CCDC158: variants seen among roughly 807,000 people sequenced by gnomAD.
CCDC158 encodes coiled-coil domain containing 158, also known as coiled-coil domain-containing protein 158.
CCDC158 carries 116 observed loss-of-function variants against 138.6 expected under a neutral mutation model. That is an observed-to-expected ratio of 0.84 (90% CI 0.72 to 0.98). The LOEUF (loss-of-function observed/expected upper bound fraction) is 0.98, where lower values mean the gene tolerates loss of function less well. Ranked by LOEUF, CCDC158 falls within the 50% of genes least tolerant of loss-of-function variation. The pLI, the probability that CCDC158 is intolerant of heterozygous loss-of-function variation, is 0.00. For synonymous variants in CCDC158, 436 were observed against 442.4 expected (o/e 0.99, Z 0.18); for missense variants, 1,265 against 1,306.1 (o/e 0.97, Z 0.48).
chr4:76,365,867 C>T (rs28527328), intron 12 of CCDC158, among the ~76,000 whole-genome samples: 3,789 of 152,252 alleles, frequency 0.025, 152 homozygotes, highest in African/African-American at 0.087. Context: ...CAGGCGATTC[C>T]GGTTCTCACT....
At chr4:76,362,614 C>A (rs1724258509) in intron 12 of CCDC158, among the ~76,000 whole-genome samples, 1 of 152,168 alleles carries the variant, frequency 6.6e-6, no homozygotes, top group African/African-American at 2.4e-5. Context: ...CCTATTCTAT[C>A]TCCATTCACT....
intron 2 of CCDC158, among the ~76,000 whole-genome samples, chr4:76,404,949 G>C (rs1268171529): frequency 6.6e-6 from 1 of 151,954 alleles, no homozygotes; most frequent in East Asian, 1.9e-4. Context: ...AATACAACTG[G>C]GTTTCCTAAA....
chr4:76,342,095 G>A (rs1383007942), intron 18 of CCDC158, among the ~76,000 whole-genome samples: 1 of 152,030 alleles, frequency 6.6e-6, no homozygotes, highest in African/African-American at 2.4e-5. Flanking sequence ...TTGAGAGAGA[G>A]AGTCCTACTC....
rs191895539 is a variant in CCDC158, at chr4:76,322,696, G to A, written c.3277+606C>T. On this transcript the variant is annotated intron_variant, in intron 24 of 24. Transcript: ENST00000682701. The stretch of plus-strand genomic sequence containing the variant: ...AAGGCTCCTGGATTCATGAAGGCGG[G>A]TTATAAAAGCATGAATCATGAGGGC... Among the ~76,000 whole-genome samples, 476 of 152,276 alleles carry A rather than the reference G, an allele frequency of 3.1e-3. 5 individuals are homozygous for A. Among genetic ancestry groups the A allele is most frequent in the African/African-American group, 0.011 (460 of 41,556 alleles).
chr4:76,314,862 G>C (rs1719221102), intron 24 of CCDC158, among the ~76,000 whole-genome samples: 1 of 152,092 alleles, frequency 6.6e-6, no homozygotes. Flanking sequence ...ATTTCAACTG[G>C]GCACAAACTC....
chr4:76,350,957 ATG>A, intron 18 of CCDC158, 37 bp downstream of exon 18: 3 of 1,588,248 alleles, frequency 1.9e-6, no homozygotes, highest in Non-Finnish European at 2.6e-6. Context: ...ACTTACGCAT[ATG>A]TCATTTGCGT....
intron 9 of CCDC158, chr4:76,375,294 C>T (rs1725610640): frequency 2.7e-6 from 1 of 375,256 alleles, no homozygotes; most frequent in Non-Finnish European, 4.7e-6. Context: ...GGATTTCATT[C>T]TAATCTCACA....
Position 76,384,186 on chromosome 4 carries a change from T to G in CCDC158, c.628A>C (p.Met210Leu), listed in dbSNP as rs779701261. 1 of 1,614,202 alleles carries G rather than the reference T, an allele frequency of 6.2e-7. No individual in the cohort carries two copies. Among genetic ancestry groups the G allele is most frequent in the Admixed American group, 1.7e-5 (1 of 60,028 alleles). ...AAGCTGCGGAAGTGCAGAGTAGACA[T>G]GCTGTCATGTTCACATATTTTTTTG... ...SGKKICEHDS[M>L]STLHFRSLGS... is the part of the protein sequence containing the mutation. Residue 210 changes from methionine (M) to leucine (L), a missense_variant, in exon 6 of 25, where the codon ATG (methionine) becomes CTG (leucine). Physicochemically the swap from Met to Leu is conservative, Grantham distance 15. Transcript: ENST00000682701.
chr4:76,337,308 T>C (rs1211109919), intron 18 of CCDC158, among the ~76,000 whole-genome samples: 1 of 152,220 alleles, frequency 6.6e-6, no homozygotes, highest in Non-Finnish European at 1.5e-5. Flanking sequence ...TAGTCAAAAT[T>C]ATCAATCTTT....
rs759142523 is a variant in CCDC158 at position 76,326,006 on chromosome 4, G to C, written c.3020C>G (p.Ser1007Cys). The C allele has an allele frequency of 6.2e-7, 1 of 1,610,816 alleles. No individual in the cohort carries two copies. Among genetic ancestry groups the C allele is most frequent in the Admixed American group, 1.7e-5 (1 of 59,440 alleles). ...TGAACGAGAAGCTGAGTTTTTCACA[G>C]ATGGACTTGCTAAAAGTTTGCAAGA... Reference protein sequence around the residue: ...CFTFTSAASPSVKNSASRSFN... With the variant: ...CFTFTSAASPCVKNSASRSFN... Residue 1007 changes from serine (S) to cysteine (C), a missense_variant, in exon 23 of 25, where the codon TCT (serine) becomes TGT (cysteine). Ser to Cys is a moderately radical substitution (Grantham distance 112). Coordinates refer to ENST00000682701, the MANE Select transcript of CCDC158 (RefSeq NM_001394954.1).
chr4:76,384,300 T>G lies in CCDC158; in HGVS notation c.514A>C (p.Ile172Leu). The change falls in exon 6 of 25, where the codon ATA (isoleucine) becomes CTA (leucine). Residue 172 changes from isoleucine (I) to leucine (L), a missense_variant. Transcript: ENST00000682701. ...EDMLKDSNTQ[I>L]EQLRKMMLSH... ...AGCATCATTTTTCGTAGTTGCTCTA[T>G]CTGTGTGTTGCTGTCTTTCAGCATG... 6.2e-7 allele frequency: 1 copy of G among 1,614,148 alleles called. No individual in the cohort carries two copies. The highest frequency in any genetic ancestry group is 8.5e-7 in the Non-Finnish European group (1 of 1,180,010).
At chr4:76,409,683 T>G (rs752398085) in intron 2 of CCDC158, among the ~76,000 whole-genome samples, 29 of 151,776 alleles carry the variant, frequency 1.9e-4, no homozygotes, top group Non-Finnish European at 3.5e-4. Flanking sequence ...TACAAAAAAT[T>G]AGCCAGGTGT....
At chr4:76,335,751 T>A (rs1721423107) in intron 18 of CCDC158, among the ~76,000 whole-genome samples, 1 of 152,144 alleles carries the variant, frequency 6.6e-6, no homozygotes, top group Non-Finnish European at 1.5e-5. Context: ...CAGCTAACTT[T>A]TTTGTAGAAT....
At chr4:76,413,471 T>C (rs1201853490) in intron 1 of CCDC158, among the ~76,000 whole-genome samples, 2 of 136,190 alleles carry the variant, frequency 1.5e-5, no homozygotes, top group African/African-American at 5.7e-5. Flanking sequence ...TGAGACCTTG[T>C]CTCAAAAAAA....
At position 76,408,276 on chromosome 4, in the gene CCDC158, A is replaced by T. The variant is rs970210569; in HGVS notation, c.-74+3814T>A. On this transcript the variant is annotated intron_variant, in intron 2 of 24. Transcript: ENST00000682701. The stretch of plus-strand genomic sequence containing the variant: ...TATGTACACATGTGCTATGTTGGTG[A>T]GCTGCACCCATTAACTTGTCATTTA... Among the ~76,000 whole-genome samples, 8 of 151,750 alleles carry T rather than the reference A, an allele frequency of 5.3e-5. No individual in the cohort carries two copies. The East Asian group carries it at 9.7e-4, about 18-fold the overall frequency.
At chr4:76,347,307 G>A (rs965924201) in intron 18 of CCDC158, among the ~76,000 whole-genome samples, 2 of 152,090 alleles carry the variant, frequency 1.3e-5, no homozygotes, top group African/African-American at 4.8e-5. Flanking sequence ...ACTGGATAAT[G>A]TGCCTGGATA....
At chr4:76,320,023 G>C (rs954494375) in intron 24 of CCDC158, among the ~76,000 whole-genome samples, 1 of 152,094 alleles carries the variant, frequency 6.6e-6, no homozygotes, top group South Asian at 2.1e-4. Context: ...CTGATGATAT[G>C]ATCCTATGCC....
At chr4:76,365,749 C>T (rs999177143) in intron 12 of CCDC158, among the ~76,000 whole-genome samples, 5 of 152,152 alleles carry the variant, frequency 3.3e-5, no homozygotes, top group African/African-American at 4.8e-5. Context: ...GCAGTATCCA[C>T]GTCATCTGGC....
Position 76,418,280 on chromosome 4 carries a change from T to C in CCDC158, c.-117+2685A>G, listed in dbSNP as rs182510585. ...ATGGTGCTGGGGTTGGGAATGGGGA[T>C]TGACTACAGAAGGGTACAAGGCATC... On this transcript the variant is annotated intron_variant, in intron 1 of 24. Transcript: ENST00000682701. 3.2e-3 allele frequency among the ~76,000 whole-genome samples: 488 copies of C among 152,210 alleles called. 5 individuals are homozygous for C. Among genetic ancestry groups the C allele is most frequent in the African/African-American group, 0.011 (469 of 41,522 alleles).
Sources: gnomAD v4.1 joint callset for allele counts (sites outside exome capture counted in the v4.1 genomes callset) on GRCh38, gnomAD v4.1.1 for gene constraint, MANE v1.5 for transcripts, NCBI Gene and HGNC (gene_info 2026-07-23, HGNC 2026-07-21) for gene names.